HCN1: variants seen among roughly 807,000 people sequenced by gnomAD.
HCN1 encodes the protein potassium/sodium hyperpolarization-activated cyclic nucleotide-gated channel 1.
A neutral mutation model predicts 78.9 loss-of-function variants in HCN1; 13 were observed. That is an observed-to-expected ratio of 0.16 (90% CI 0.11 to 0.26). The LOEUF (loss-of-function observed/expected upper bound fraction) is 0.26. Among genes scored for constraint, HCN1 ranks in the 10% least tolerant of loss-of-function variants. The pLI is 1.00. For missense variants in HCN1, 810 were observed against 1,154.3 expected, an observed-to-expected ratio of 0.70 and a Z score of 4.32; for synonymous variants, 552 against 455.5, an observed-to-expected ratio of 1.21 and a Z score of -2.70.
chr5:45,634,866 T>C (rs1213099245), intron 2 of HCN1, among the ~76,000 whole-genome samples: 2 of 152,078 alleles, frequency 1.3e-5, no homozygotes, highest in East Asian at 3.8e-4. Context: ...GTTCTGAACA[T>C]TTATCCTTCT....
intron 5 of HCN1, among the ~76,000 whole-genome samples, chr5:45,347,200 G>C (rs1746741065): frequency 6.6e-6 from 1 of 152,208 alleles, no homozygotes; most frequent in Non-Finnish European, 1.5e-5. Context: ...AGCAGAATTT[G>C]TGGTTCACGA....
chr5:45,530,623 A>G (rs1404082225), intron 2 of HCN1, among the ~76,000 whole-genome samples: 1 of 152,042 alleles, frequency 6.6e-6, no homozygotes, highest in African/African-American at 2.4e-5. Flanking sequence ...CTTGGCTTCC[A>G]AGATAATTAT....
chr5:45,288,476 T>A (rs1745310806), intron 6 of HCN1, among the ~76,000 whole-genome samples: 1 of 151,974 alleles, frequency 6.6e-6, no homozygotes, highest in Admixed American at 6.6e-5. Context: ...GTAGAAAGCG[T>A]CTGTCTTAAT....
chr5:45,301,370 AAC>A (rs779359397), intron 6 of HCN1, among the ~76,000 whole-genome samples: 8 of 140,056 alleles, frequency 5.7e-5, no homozygotes, highest in Non-Finnish European at 1.1e-4. Flanking sequence ...AAATTATAAT[AAC>A]AGAGTAGTCA....
chr5:45,255,138 C>G lies in HCN1; in HGVS notation c.*6783G>C, dbSNP rs918326198. 1 of 152,206 alleles carries G rather than the reference C, an allele frequency of 6.6e-6. No homozygotes were observed. Among genetic ancestry groups the G allele is most frequent in the East Asian group, 1.9e-4 (1 of 5,194 alleles). The allele number at this position is 152,206 out of a possible 1,614,324, so 9.4% of individuals were successfully genotyped here. A position where few individuals can be genotyped will look rare whatever the true frequency, so the allele number is the denominator to read the frequency against. ...TTAGTTTTCTCTTCCCTGGTTCTAACTAGCAAGTGCCAGGAGGCAGGCTGG... is the reference window on the plus strand; with the variant it reads ...TTAGTTTTCTCTTCCCTGGTTCTAAGTAGCAAGTGCCAGGAGGCAGGCTGG... On this transcript the variant is annotated 3_prime_UTR_variant, in exon 8 of 8. Transcript: ENST00000303230.
chr5:45,322,035 T>C (rs921482732), intron 5 of HCN1, among the ~76,000 whole-genome samples: 5 of 151,876 alleles, frequency 3.3e-5, no homozygotes, highest in Non-Finnish European at 7.4e-5. Flanking sequence ...TCTTGAGGCA[T>C]AACTAAATGA....
intron 6 of HCN1, among the ~76,000 whole-genome samples, chr5:45,283,833 C>T (rs977474735): frequency 1.3e-5 from 2 of 152,170 alleles, no homozygotes; most frequent in African/African-American, 2.4e-5. Context: ...TATAAAGACA[C>T]ATGCATGCGT....
intron 3 of HCN1, among the ~76,000 whole-genome samples, chr5:45,418,340 C>T (rs1371048665): frequency 6.6e-6 from 1 of 150,780 alleles, no homozygotes; most frequent in Non-Finnish European, 1.5e-5. Context: ...ATTATACATG[C>T]TTCTATTTCT....
At chr5:45,621,129 G>T (rs1212982116) in intron 2 of HCN1, among the ~76,000 whole-genome samples, 1 of 152,168 alleles carries the variant, frequency 6.6e-6, no homozygotes, top group Non-Finnish European at 1.5e-5. Flanking sequence ...CAGACATTGA[G>T]AGAGGTGTAA....
In HCN1 at chr5:45,262,598, G is replaced by C; in HGVS notation, c.1996C>G (p.Pro666Ala). Residue 666 changes from proline (P) to alanine (A), a missense_variant, in exon 8 of 8, where the codon CCG (proline) becomes GCG (alanine). By Grantham distance (27) the Pro-to-Ala change is conservative (BLOSUM62 -1). Coordinates refer to ENST00000303230, the MANE Select transcript of HCN1 (RefSeq NM_021072.4). Reference sequence around the variant, plus strand: ...GACAGGCTGGTCGCTGTGTACACCGGTGGAGATTGTGTCCTCATGCGGGAG... The same window carrying C: ...GACAGGCTGGTCGCTGTGTACACCGCTGGAGATTGTGTCCTCATGCGGGAG... Reference protein sequence around the residue: ...PTSRMRTQSPPVYTATSLSHS... With the variant: ...PTSRMRTQSPAVYTATSLSHS... 1 of 1,613,970 alleles carries C rather than the reference G, an allele frequency of 6.2e-7. No individual in the cohort carries two copies. The highest frequency in any genetic ancestry group is 8.5e-7 in the Non-Finnish European group (1 of 1,180,014).
At chr5:45,671,280 T>C (rs989426539) in intron 1 of HCN1, among the ~76,000 whole-genome samples, 1 of 151,544 alleles carries the variant, frequency 6.6e-6, no homozygotes, top group Non-Finnish European at 1.5e-5. Flanking sequence ...CCTTCACTAG[T>C]TCTCCAGAAC....
intron 2 of HCN1, among the ~76,000 whole-genome samples, chr5:45,486,524 T>A (rs1052111699): frequency 6.6e-6 from 1 of 152,124 alleles, no homozygotes; most frequent in Non-Finnish European, 1.5e-5. Flanking sequence ...GAAACATACA[T>A]CATCAATTTT....
At chr5:45,557,634 T>C (rs1169166897) in intron 2 of HCN1, among the ~76,000 whole-genome samples, 1 of 152,160 alleles carries the variant, frequency 6.6e-6, no homozygotes, top group Non-Finnish European at 1.5e-5. Context: ...TGCTCCTTCA[T>C]GGCTTTGTGT....
intron 4 of HCN1, among the ~76,000 whole-genome samples, chr5:45,362,000 G>GGGTCAA (rs1289510166): frequency 2.0e-5 from 3 of 152,058 alleles, no homozygotes; most frequent in Admixed American, 2.0e-4. Context: ...TATGGAATAA[G>GGGTCAA]GGTCAAGGGT....
intron 1 of HCN1, among the ~76,000 whole-genome samples, chr5:45,691,814 T>C (rs916026381): frequency 3.9e-5 from 6 of 152,204 alleles, no homozygotes. Context: ...AACACATCAG[T>C]GATCTCTGAT....
chr5:45,377,624 C>A (rs540709043), intron 4 of HCN1, among the ~76,000 whole-genome samples: 1 of 152,010 alleles, frequency 6.6e-6, no homozygotes, highest in East Asian at 1.9e-4. Flanking sequence ...GCAAGAAATG[C>A]AAACACTCCT....
chr5:45,311,503 T>G (rs1209916995), intron 5 of HCN1, among the ~76,000 whole-genome samples: 1 of 152,178 alleles, frequency 6.6e-6, no homozygotes, highest in Non-Finnish European at 1.5e-5. Flanking sequence ...TTAAAATAAG[T>G]CATAAGAAAT....
chr5:45,503,233 A>G (rs370476199), intron 2 of HCN1, among the ~76,000 whole-genome samples: 15 of 152,294 alleles, frequency 9.8e-5, no homozygotes, highest in East Asian at 3.9e-4. Flanking sequence ...AACACCACCT[A>G]TGATATAGTC....
chr5:45,267,745 C>T (rs558803459), intron 6 of HCN1, among the ~76,000 whole-genome samples: 2 of 151,956 alleles, frequency 1.3e-5, no homozygotes, highest in East Asian at 3.9e-4. Context: ...TCCAGCCTGG[C>T]GACAGAGTGA....
Sources: gnomAD v4.1 joint callset for allele counts (sites outside exome capture counted in the v4.1 genomes callset) on GRCh38, gnomAD v4.1.1 for gene constraint, MANE v1.5 for transcripts, NCBI Gene and HGNC (gene_info 2026-07-23, HGNC 2026-07-21) for gene names.